ENTPD1: variants seen among roughly 807,000 people sequenced by gnomAD.
ENTPD1 encodes the protein ATP diphosphohydrolase.
Under a neutral mutation model 57.0 loss-of-function variants are expected in ENTPD1, and 33 were observed. The observed-to-expected ratio is 0.58, with a 90% CI of 0.44 to 0.77. ENTPD1 has a LOEUF of 0.77. Among genes scored for constraint, ENTPD1 ranks in the 30% least tolerant of loss-of-function variants. ENTPD1 has a pLI of 0.00. For missense variants in ENTPD1, 501 were observed against 603.4 expected (o/e 0.83, Z 1.78); for synonymous variants, 202 against 218.8 (o/e 0.92, Z 0.68).
At chr10:95,798,160 A>C (rs2098234183) in intron 1 of ENTPD1, among the ~76,000 whole-genome samples, 1 of 152,188 alleles carries the variant, frequency 6.6e-6, no homozygotes, top group African/African-American at 2.4e-5. Flanking sequence ...CTAAGATGTC[A>C]AATGTCAGAT....
chr10:95,772,361 G>T (rs1019200932), intron 1 of ENTPD1, among the ~76,000 whole-genome samples: 1 of 152,214 alleles, frequency 6.6e-6, no homozygotes, highest in Non-Finnish European at 1.5e-5. Context: ...CAAAATTGGA[G>T]TCAATCCTCC....
At chr10:95,772,804 G>GA (rs1460608021) in intron 1 of ENTPD1, among the ~76,000 whole-genome samples, 2 of 152,292 alleles carry the variant, frequency 1.3e-5, no homozygotes, top group East Asian at 3.9e-4. Context: ...AGGTCCAACA[G>GA]AAAAATCATT....
At chr10:95,800,023 A>G (rs1262737928) in intron 1 of ENTPD1, among the ~76,000 whole-genome samples, 1 of 152,136 alleles carries the variant, frequency 6.6e-6, no homozygotes, top group Non-Finnish European at 1.5e-5. Context: ...GATGTCAGAT[A>G]TTAGATCTTT....
intron 7 of ENTPD1, among the ~76,000 whole-genome samples, chr10:95,856,110 A>G (rs187965585): frequency 1.3e-5 from 2 of 152,292 alleles, no homozygotes; most frequent in African/African-American, 2.4e-5. Context: ...ACATAATCCC[A>G]TATTTCTGGG....
chr10:95,709,804 C>T (rs183102261), upstream of ENTPD1, among the ~76,000 whole-genome samples: 6 of 152,214 alleles, frequency 3.9e-5, no homozygotes, highest in Middle Eastern at 3.4e-3. Context: ...CTCCCTCTGT[C>T]GTCCAGGCTG....
Position 95,844,688 on chromosome 10 carries a change from G to A in ENTPD1, c.573+53G>A, listed in dbSNP as rs1299634082. 7.5e-6 allele frequency: 12 copies of A among 1,607,224 alleles called. No homozygotes were observed. The African/African-American group carries it at 1.6e-4, about 21-fold the overall frequency. On this transcript the variant is annotated intron_variant, in intron 5 of 9. Coordinates refer to ENST00000371205, the MANE Select transcript of ENTPD1 (RefSeq NM_001776.6). ...TGGCTCTCTGGAGGCCAATGCCATT[G>A]CTATCTCAGGCAGTACTTGGGTCGC...
intron 1 of ENTPD1, among the ~76,000 whole-genome samples, chr10:95,788,868 G>T (rs1475430600): frequency 6.6e-6 from 1 of 152,064 alleles, no homozygotes; most frequent in Non-Finnish European, 1.5e-5. Context: ...GTTTTCCCCC[G>T]AGGATTTGTA....
chr10:95,698,139 G>T, the ENTPD1 span, among the ~76,000 whole-genome samples: 3 of 152,204 alleles, frequency 2.0e-5, no homozygotes, highest in African/African-American at 7.2e-5. Flanking sequence ...ACTGAGGAAG[G>T]TGGTATTGGA....
chr10:95,854,903 T>A (rs1180679418), intron 7 of ENTPD1, among the ~76,000 whole-genome samples: 1 of 152,226 alleles, frequency 6.6e-6, no homozygotes, highest in Non-Finnish European at 1.5e-5. Flanking sequence ...AAAGAATGTA[T>A]ATTCTGTTGA....
intron 1 of ENTPD1, among the ~76,000 whole-genome samples, chr10:95,757,786 C>T (rs1017920815): frequency 3.9e-5 from 6 of 152,014 alleles, no homozygotes; most frequent in South Asian, 4.2e-4. Context: ...GGGCGGATCA[C>T]CTGAGGTCAG....
chr10:95,712,091 C>T, intron 1 of ENTPD1: 1 of 1,550,060 alleles, frequency 6.5e-7, no homozygotes, highest in South Asian at 1.1e-5. Context: ...TTTTCATCTC[C>T]AAAACCTTGA....
intron 3 of ENTPD1, among the ~76,000 whole-genome samples, chr10:95,841,443 C>A (rs2098422512): frequency 6.6e-6 from 1 of 152,070 alleles, no homozygotes; most frequent in South Asian, 2.1e-4. Flanking sequence ...GAGCGTTTGG[C>A]CTAACAATGA....
chr10:95,733,075 T>C (rs2097990978), intron 1 of ENTPD1, among the ~76,000 whole-genome samples: 1 of 152,214 alleles, frequency 6.6e-6, no homozygotes, highest in East Asian at 1.9e-4. Flanking sequence ...GGAGTGCTAC[T>C]GGAGACCAGG....
chr10:95,833,297 A>G (rs2098401759), intron 2 of ENTPD1, among the ~76,000 whole-genome samples: 1 of 152,216 alleles, frequency 6.6e-6, no homozygotes, highest in South Asian at 2.1e-4. Flanking sequence ...GTTTTACAGC[A>G]ATTAAAAAAT....
In ENTPD1 at chr10:95,871,202, C is replaced by A; in HGVS notation, c.*4819C>A. The A allele has an allele frequency of 3.0e-6, 3 of 985,354 alleles. No individual in the cohort carries two copies. 61.0% of individuals were successfully genotyped at this position (985,354 alleles called of 1,614,324 possible). A position where few individuals can be genotyped will look rare whatever the true frequency, so the allele number is the denominator to read the frequency against. ...AGGCCATGAGTGATTAATTTTAACA[C>A]AGGAAAAAAGTAAAGCATTAAATGC... On this transcript the variant is annotated 3_prime_UTR_variant, in exon 10 of 10. Coordinates refer to ENST00000371205, the MANE Select transcript of ENTPD1 (RefSeq NM_001776.6).
intron 1 of ENTPD1, among the ~76,000 whole-genome samples, chr10:95,770,696 C>T (rs1216192800): frequency 1.3e-5 from 2 of 152,192 alleles, no homozygotes. Flanking sequence ...TTACTCTTCC[C>T]AGAACTGCCT....
At chr10:95,696,572 G>A in the ENTPD1 span, among the ~76,000 whole-genome samples, 1 of 152,196 alleles carries the variant, frequency 6.6e-6, no homozygotes, top group Admixed American at 6.5e-5. Flanking sequence ...GAGCCACCGT[G>A]CCTGGCATGT....
the ENTPD1 span, among the ~76,000 whole-genome samples, chr10:95,703,481 G>C: frequency 2.6e-5 from 4 of 152,146 alleles, no homozygotes; most frequent in East Asian, 1.9e-4. Flanking sequence ...ATCTGAAATA[G>C]TATAAGATCT....
At chr10:95,862,126 G>T (rs575618424) in intron 8 of ENTPD1, among the ~76,000 whole-genome samples, 4 of 152,318 alleles carry the variant, frequency 2.6e-5, no homozygotes, top group African/African-American at 9.6e-5. Context: ...GGTAAGTCAT[G>T]TGGGGAGTTG....
Sources: allele counts gnomAD v4.1 joint callset (sites outside exome capture counted in the v4.1 genomes callset), GRCh38; gene constraint gnomAD v4.1.1; transcripts MANE v1.5; gene names NCBI Gene and HGNC (gene_info 2026-07-23, HGNC 2026-07-21).